The following BRINP2 variants were observed in gnomAD, a reference collection of about 807,000 sequenced individuals.
The protein encoded by BRINP2 is BMP/retinoic acid inducible neural specific 2, also known as BMP/retinoic acid-inducible neural-specific protein 2.
BRINP2 carries 21 observed loss-of-function variants against 69.2 expected under a neutral mutation model. The observed-to-expected ratio is 0.30, with a 90% CI of 0.22 to 0.44. The LOEUF (loss-of-function observed/expected upper bound fraction) is 0.44, where lower values mean the gene tolerates loss of function less well. Among genes scored for constraint, BRINP2 ranks in the 20% least tolerant of loss-of-function variants. BRINP2 has a pLI of 1.00. For missense variants in BRINP2, 877 were observed against 986.0 expected (o/e 0.89, Z 1.48); for synonymous variants, 380 against 394.1 (o/e 0.96, Z 0.42).
intron 2 of BRINP2, among the ~76,000 whole-genome samples, chr1:177,250,299 T>C (rs1366699384): frequency 6.7e-6 from 1 of 149,764 alleles, no homozygotes; most frequent in East Asian, 2.0e-4. Flanking sequence ...TTGGCAAATG[T>C]AGCCACTTGT....
At chr1:177,193,058 A>C (rs1376973516) in intron 1 of BRINP2, among the ~76,000 whole-genome samples, 1 of 152,204 alleles carries the variant, frequency 6.6e-6, no homozygotes, top group Non-Finnish European at 1.5e-5. Flanking sequence ...ACTTCAGAGG[A>C]GGAAACCCAC....
chr1:177,223,823 C>T (rs1313649586), intron 1 of BRINP2, among the ~76,000 whole-genome samples: 2 of 152,042 alleles, frequency 1.3e-5, no homozygotes, highest in African/African-American at 4.8e-5. Context: ...CTTGCCAGTT[C>T]CATGCCAGTC....
intron 1 of BRINP2, among the ~76,000 whole-genome samples, chr1:177,183,004 C>T (rs1409045732): frequency 6.7e-6 from 1 of 149,828 alleles, no homozygotes; most frequent in Non-Finnish European, 1.5e-5. Flanking sequence ...CTGTCTCAAA[C>T]TCTCAGTGCA....
intron 2 of BRINP2, among the ~76,000 whole-genome samples, chr1:177,248,805 C>A (rs1650482466): frequency 6.6e-6 from 1 of 152,264 alleles, no homozygotes; most frequent in East Asian, 1.9e-4. Context: ...TAGCTTGAGT[C>A]GGAGGCAGCA....
intron 2 of BRINP2, among the ~76,000 whole-genome samples, chr1:177,252,736 T>C (rs367817224): frequency 1.2e-4 from 19 of 152,154 alleles, no homozygotes; most frequent in African/African-American, 4.1e-4. Flanking sequence ...CCCACTACCC[T>C]TCCTAGCCTC....
chr1:177,230,140 T>G lies in BRINP2; in HGVS notation c.264T>G (p.Ile88Met), dbSNP rs763568462. ...AGGGTTTCACCACCAGGTACAGGAT[T>G]TATAGGTAAGTGGGGGCCTCCACTG... Reference protein sequence around the residue: ...YRQGFTTRYRIYREFARWKVN... With the variant: ...YRQGFTTRYRMYREFARWKVN... Residue 88 changes from isoleucine (I) to methionine (M), a missense_variant, in exon 2 of 8, where the codon ATT becomes ATG. Coordinates refer to ENST00000361539, the MANE Select transcript of BRINP2 (RefSeq NM_021165.4). 1.3e-6 allele frequency: 2 copies of G among 1,599,662 alleles called. No individual in the cohort carries two copies. The highest frequency in any genetic ancestry group is 1.7e-6 in the Non-Finnish European group (2 of 1,170,448).
At chr1:177,219,082 A>G (rs980870541) in intron 1 of BRINP2, among the ~76,000 whole-genome samples, 7 of 152,260 alleles carry the variant, frequency 4.6e-5, no homozygotes, top group African/African-American at 1.7e-4. Context: ...GTGATAGAAC[A>G]GCTTGCTCCC....
chr1:177,264,661 A>G (rs1478991255), intron 4 of BRINP2, among the ~76,000 whole-genome samples: 1 of 152,186 alleles, frequency 6.6e-6, no homozygotes, highest in Non-Finnish European at 1.5e-5. Flanking sequence ...CTATACACCA[A>G]TAATAGACAA....
At chr1:177,226,493 C>T (rs1649696305) in intron 1 of BRINP2, among the ~76,000 whole-genome samples, 1 of 152,148 alleles carries the variant, frequency 6.6e-6, no homozygotes, top group African/African-American at 2.4e-5. Flanking sequence ...CTAGGCCAGG[C>T]CTTTTGCAGA....
At chr1:177,275,297 A>T in intron 5 of BRINP2, 1 of 454,928 alleles carries the variant, frequency 2.2e-6, no homozygotes, top group Admixed American at 2.3e-5. Flanking sequence ...AGAGCAATTT[A>T]GTGCATTCTA....
At chr1:177,193,163 T>A (rs1648641741) in intron 1 of BRINP2, among the ~76,000 whole-genome samples, 1 of 152,204 alleles carries the variant, frequency 6.6e-6, no homozygotes, top group Non-Finnish European at 1.5e-5. Flanking sequence ...TCCCTTTCTA[T>A]CTGTTTTAAT....
chr1:177,172,152 C>A (rs1239377270), intron 1 of BRINP2, among the ~76,000 whole-genome samples: 3 of 152,202 alleles, frequency 2.0e-5, no homozygotes, highest in South Asian at 2.1e-4. Flanking sequence ...GCCCAAAGAG[C>A]TGAGGTTACA....
Position 177,183,137 on chromosome 1 carries a change from C to CTTTTTTTT in BRINP2, c.-77+11423_-77+11430dup, listed in dbSNP as rs71129597. Reference sequence around the variant, plus strand: ...TTTCCAGGTGATGGCAGTGTGTGAGCTTTTTTTTTTTTTTTTTTTTTTTTT... The same window carrying CTTTTTTTT: ...TTTCCAGGTGATGGCAGTGTGTGAGCTTTTTTTTTTTTTTTTTTTTTTTTTTTTTTTTT... On this transcript the variant is annotated intron_variant, in intron 1 of 7. Coordinates refer to ENST00000361539, the MANE Select transcript of BRINP2 (RefSeq NM_021165.4). 5.4e-3 allele frequency among the ~76,000 whole-genome samples: 296 copies of CTTTTTTTT among 54,322 alleles called. 2 individuals are homozygous for CTTTTTTTT. Among genetic ancestry groups the CTTTTTTTT allele is most frequent in the Non-Finnish European group, 6.9e-3 (202 of 29,246 alleles). 35.6% of individuals were successfully genotyped at this position (54,322 alleles called of 152,430 possible). A position where few individuals can be genotyped will look rare whatever the true frequency, so the allele number is the denominator to read the frequency against.
chr1:177,279,580 G>A (rs1301806232), intron 7 of BRINP2, among the ~76,000 whole-genome samples: 5 of 152,150 alleles, frequency 3.3e-5, no homozygotes, highest in Non-Finnish European at 7.3e-5. Context: ...GCAACCCAGT[G>A]GTACAGCTCT....
intron 1 of BRINP2, among the ~76,000 whole-genome samples, chr1:177,188,424 G>T (rs1396411270): frequency 6.6e-6 from 1 of 152,120 alleles, no homozygotes; most frequent in East Asian, 1.9e-4. Flanking sequence ...TGTATTTGTT[G>T]TTAGAAGGTA....
intron 1 of BRINP2, among the ~76,000 whole-genome samples, chr1:177,206,326 C>A (rs1649069874): frequency 6.6e-6 from 1 of 152,174 alleles, no homozygotes; most frequent in Non-Finnish European, 1.5e-5. Flanking sequence ...CATTTCCAAT[C>A]ACTAAATTTT....
intron 2 of BRINP2, among the ~76,000 whole-genome samples, chr1:177,231,397 C>T (rs1337138963): frequency 6.6e-6 from 1 of 152,096 alleles, no homozygotes; most frequent in Non-Finnish European, 1.5e-5. Flanking sequence ...TCTGCAGTAA[C>T]GAGGCAACCA....
chr1:177,214,556 G>A (rs1346510545), intron 1 of BRINP2, among the ~76,000 whole-genome samples: 2 of 152,196 alleles, frequency 1.3e-5, no homozygotes, highest in Non-Finnish European at 2.9e-5. Context: ...CAACATTGAA[G>A]TTTTCCTGAA....
In BRINP2 at chr1:177,281,503, A is replaced by G; in HGVS notation, c.2327A>G (p.Tyr776Cys). ...FNSKLPNPVEYETGKLCS is the reference protein window; with the variant it reads ...FNSKLPNPVECETGKLCS ...TCTAAGCTGCCAAACCCTGTGGAAT[A>G]TGAGACCGGCAAACTCTGTAGCTAA... The change falls in exon 8 of 8, where the codon TAT becomes TGT. Residue 776 changes from tyrosine (Y) to cysteine (C), a missense_variant. Tyr to Cys is a radical substitution (Grantham distance 194). Coordinates refer to ENST00000361539, the MANE Select transcript of BRINP2 (RefSeq NM_021165.4). 6.2e-7 allele frequency: 1 copy of G among 1,608,428 alleles called. No homozygotes were observed. Among genetic ancestry groups the G allele is most frequent in the Non-Finnish European group, 8.5e-7 (1 of 1,179,144 alleles).
Sources: allele counts gnomAD v4.1 joint callset (sites outside exome capture counted in the v4.1 genomes callset), GRCh38; gene constraint gnomAD v4.1.1; transcripts MANE v1.5; gene names NCBI Gene and HGNC (gene_info 2026-07-23, HGNC 2026-07-21).